The following CDKAL1 variants were observed in gnomAD, a reference collection of about 807,000 sequenced individuals.
The protein encoded by CDKAL1 is threonylcarbamoyladenosine tRNA methylthiotransferase.
A neutral mutation model predicts 68.2 loss-of-function variants in CDKAL1; 32 were observed. The observed-to-expected ratio is 0.47, with a 90% CI of 0.35 to 0.63. The LOEUF is 0.63. CDKAL1 is among the 30% of genes least tolerant of loss of function. The pLI is 0.00. For missense variants in CDKAL1, 606 were observed against 696.7 expected (o/e 0.87, Z 1.47); for synonymous variants, 234 against 244.3 (o/e 0.96, Z 0.39).
At chr6:20,933,142 A>G (rs1163227066) in intron 9 of CDKAL1, among the ~76,000 whole-genome samples, 1 of 152,212 alleles carries the variant, frequency 6.6e-6, no homozygotes, top group African/African-American at 2.4e-5. Context: ...AGCCACCATT[A>G]GCAGTGTAGC....
chr6:20,977,474 C>T (rs1241039990), intron 10 of CDKAL1, among the ~76,000 whole-genome samples: 1 of 152,138 alleles, frequency 6.6e-6, no homozygotes, highest in Non-Finnish European at 1.5e-5. Flanking sequence ...AATTATATAA[C>T]CCCTTTAGGT....
At chr6:21,087,856 G>A (rs911684579) in intron 12 of CDKAL1, among the ~76,000 whole-genome samples, 14 of 152,002 alleles carry the variant, frequency 9.2e-5, no homozygotes, top group African/African-American at 2.7e-4. Context: ...ATCTCCGACC[G>A]GATGATTCTC....
intron 8 of CDKAL1, among the ~76,000 whole-genome samples, chr6:20,798,610 G>A (rs540301803): frequency 1.3e-5 from 2 of 152,212 alleles, no homozygotes; most frequent in African/African-American, 4.8e-5. Flanking sequence ...CACATCCTTT[G>A]TAGGGACATG....
intron 11 of CDKAL1, among the ~76,000 whole-genome samples, chr6:21,018,681 A>G (rs1256389540): frequency 6.6e-6 from 1 of 152,224 alleles, no homozygotes; most frequent in East Asian, 1.9e-4. Flanking sequence ...TTTAGATCAG[A>G]ATAAACCTTT....
chr6:20,765,723 G>T (rs1441914029), intron 7 of CDKAL1, among the ~76,000 whole-genome samples: 1 of 152,074 alleles, frequency 6.6e-6, no homozygotes, highest in Non-Finnish European at 1.5e-5. Context: ...AAGACTTTTA[G>T]TTGATTTTTT....
At chr6:20,876,402 T>C (rs1056100731) in intron 9 of CDKAL1, among the ~76,000 whole-genome samples, 3 of 152,218 alleles carry the variant, frequency 2.0e-5, no homozygotes, top group African/African-American at 7.2e-5. Flanking sequence ...GTGCCACTAC[T>C]GTTGAGTGTG....
chr6:21,166,920 A>G (rs1440788563), intron 13 of CDKAL1, among the ~76,000 whole-genome samples: 4 of 152,210 alleles, frequency 2.6e-5, no homozygotes, highest in Admixed American at 6.5e-5. Context: ...ACAACCCTTG[A>G]AGACAGAACA....
chr6:21,149,434 C>G (rs1776310311), intron 13 of CDKAL1, among the ~76,000 whole-genome samples: 1 of 152,162 alleles, frequency 6.6e-6, no homozygotes, highest in Non-Finnish European at 1.5e-5. Flanking sequence ...GCATGAACCA[C>G]CACGCCTGGC....
intron 5 of CDKAL1, among the ~76,000 whole-genome samples, chr6:20,729,701 A>G (rs1772820212): frequency 6.6e-6 from 1 of 152,166 alleles, no homozygotes; most frequent in East Asian, 1.9e-4. Flanking sequence ...TAATTCCCCT[A>G]TGGTTATATA....
intron 5 of CDKAL1, among the ~76,000 whole-genome samples, chr6:20,712,474 C>T (rs552089316): frequency 7.1e-6 from 1 of 141,236 alleles, no homozygotes; most frequent in East Asian, 2.1e-4. Flanking sequence ...ATGTTGGCTT[C>T]AATACCTAAT....
At chr6:20,851,393 C>T (rs1759003345) in intron 9 of CDKAL1, among the ~76,000 whole-genome samples, 1 of 152,130 alleles carries the variant, frequency 6.6e-6, no homozygotes, top group South Asian at 2.1e-4. Flanking sequence ...GCTAATCAAT[C>T]AGTTTCAGTT....
intron 8 of CDKAL1, among the ~76,000 whole-genome samples, chr6:20,814,482 G>A (rs1016617652): frequency 2.6e-5 from 4 of 152,152 alleles, no homozygotes; most frequent in Admixed American, 2.0e-4. Context: ...GTTTCACCAT[G>A]TTGGCCAGCC....
intron 6 of CDKAL1, among the ~76,000 whole-genome samples, chr6:20,750,973 A>G (rs1773895016): frequency 6.7e-6 from 1 of 150,030 alleles, no homozygotes; most frequent in African/African-American, 2.4e-5. Context: ...AAAAAAAAAA[A>G]AAAAAAAAAA....
chr6:20,857,488 C>A (rs757327296), intron 9 of CDKAL1, among the ~76,000 whole-genome samples: 5 of 152,218 alleles, frequency 3.3e-5, no homozygotes, highest in Non-Finnish European at 5.9e-5. Context: ...ACACCTCCAT[C>A]TTTGAGAATA....
intron 4 of CDKAL1, among the ~76,000 whole-genome samples, chr6:20,589,846 T>C (rs1481020910): frequency 6.6e-6 from 1 of 152,186 alleles, no homozygotes; most frequent in Non-Finnish European, 1.5e-5. Flanking sequence ...TAAAATTGCA[T>C]TGCTTTATTT....
chr6:20,822,556 T>C (rs1777330179), intron 8 of CDKAL1, among the ~76,000 whole-genome samples: 3 of 152,194 alleles, frequency 2.0e-5, no homozygotes, highest in African/African-American at 7.2e-5. Flanking sequence ...AGGGTTAGGC[T>C]TTGTGTCCTC....
chr6:21,230,083 G>T (rs1779897924), intron 15 of CDKAL1, among the ~76,000 whole-genome samples: 1 of 152,210 alleles, frequency 6.6e-6, no homozygotes. Context: ...TCTTGGCGCA[G>T]CCCTCCTGTG....
chr6:20,582,745 T>TA (rs374861476), intron 4 of CDKAL1, among the ~76,000 whole-genome samples: 1 of 152,180 alleles, frequency 6.6e-6, no homozygotes, highest in Non-Finnish European at 1.5e-5. Flanking sequence ...TTATAATACT[T>TA]AAAAAAAGTC....
chr6:20,675,889 T>A (rs948168794), intron 5 of CDKAL1, among the ~76,000 whole-genome samples: 2 of 151,774 alleles, frequency 1.3e-5, no homozygotes, highest in African/African-American at 4.8e-5. Flanking sequence ...CAGCTCCAAG[T>A]GTATTATTGC....
Sources: gnomAD v4.1 joint callset for allele counts (sites outside exome capture counted in the v4.1 genomes callset) on GRCh38, gnomAD v4.1.1 for gene constraint, MANE v1.5 for transcripts, NCBI Gene and HGNC (gene_info 2026-07-23, HGNC 2026-07-21) for gene names.